The following TBCK variants were observed in gnomAD, a reference collection of about 807,000 sequenced individuals.
TBCK encodes TBC1 domain containing kinase, also known as TBC domain-containing protein kinase-like protein.
TBCK carries 99 observed loss-of-function variants against 113.4 expected under a neutral mutation model. The observed-to-expected ratio is 0.87, with a 90% CI of 0.74 to 1.03. The LOEUF is 1.03. TBCK is among the 50% of genes least tolerant of loss of function. The probability of loss-of-function intolerance (pLI) is 0.00; values close to 1 mark genes in which losing one functional copy is unlikely to be tolerated. For synonymous variants in TBCK, 369 were observed against 370.8 expected, an observed-to-expected ratio of 1.00 and a Z score of 0.05; for missense variants, 1,045 against 1,061.3, an observed-to-expected ratio of 0.98 and a Z score of 0.21.
At position 106,046,523 on chromosome 4, in the gene TBCK, T is replaced by C. The variant is rs763552228; in HGVS notation, c.*47A>G. ...GGCGTGGATATGAAGAACTGTGCTG[T>C]TGGTGCTGATGCCACACTAAGTTTT... On this transcript the variant is annotated 3_prime_UTR_variant, in exon 26 of 26. Transcript: ENST00000394708. The C allele has an allele frequency of 3.9e-6, 4 of 1,017,738 alleles. No individual in the cohort carries two copies. In the Admixed American group the frequency reaches 5.2e-5, roughly 13 times the overall value. The allele number at this position is 1,017,738 out of a possible 1,614,324, so 63.0% of individuals were successfully genotyped here.
intron 25 of TBCK, among the ~76,000 whole-genome samples, chr4:106,052,630 G>C (rs1734933956): frequency 6.6e-6 from 1 of 151,504 alleles, no homozygotes; most frequent in African/African-American, 2.4e-5. Flanking sequence ...GTTACATAAG[G>C]AGATATTATA....
chr4:106,203,108 C>T (rs1279071491), intron 20 of TBCK, among the ~76,000 whole-genome samples: 1 of 151,840 alleles, frequency 6.6e-6, no homozygotes, highest in Non-Finnish European at 1.5e-5. Context: ...GTCAGTGTTT[C>T]ATTTTGATGA....
chr4:106,160,191 C>T (rs1020612626), intron 23 of TBCK, among the ~76,000 whole-genome samples: 1 of 151,888 alleles, frequency 6.6e-6, no homozygotes, highest in Non-Finnish European at 1.5e-5. Flanking sequence ...AAACATAGGG[C>T]AAAAGCTTCA....
chr4:106,156,992 CAG>C (rs973894046), intron 23 of TBCK, among the ~76,000 whole-genome samples: 11 of 152,184 alleles, frequency 7.2e-5, no homozygotes, highest in Admixed American at 7.2e-4. Context: ...CAGCAAGTCT[CAG>C]AGTGGCATAC....
intron 2 of TBCK, among the ~76,000 whole-genome samples, chr4:106,299,308 G>A (rs943218697): frequency 3.3e-5 from 5 of 152,086 alleles, no homozygotes; most frequent in African/African-American, 4.8e-5. Flanking sequence ...ACATGCCCAC[G>A]TTATAAACTC....
intron 23 of TBCK, among the ~76,000 whole-genome samples, chr4:106,159,186 T>G (rs1285577044): frequency 6.6e-6 from 1 of 152,084 alleles, no homozygotes; most frequent in Admixed American, 6.6e-5. Flanking sequence ...ACAGAAAACA[T>G]GCTCAATGGT....
chr4:106,300,137 T>C (rs895119174), intron 2 of TBCK, among the ~76,000 whole-genome samples: 3 of 152,222 alleles, frequency 2.0e-5, no homozygotes, highest in Non-Finnish European at 4.4e-5. Flanking sequence ...TTTTTTGGCC[T>C]GCTGCTATCC....
intron 23 of TBCK, among the ~76,000 whole-genome samples, chr4:106,145,965 C>G (rs1747748551): frequency 6.6e-6 from 1 of 152,116 alleles, no homozygotes; most frequent in African/African-American, 2.4e-5. Flanking sequence ...ATGAGTCCAA[C>G]CATTGTGGAA....
At chr4:106,113,644 C>G (rs1310575484) in intron 24 of TBCK, among the ~76,000 whole-genome samples, 1 of 152,138 alleles carries the variant, frequency 6.6e-6, no homozygotes, top group Non-Finnish European at 1.5e-5. Flanking sequence ...CCTATAGGAC[C>G]TACAGCCCCA....
chr4:106,060,658 G>C (rs1428285372), intron 25 of TBCK, among the ~76,000 whole-genome samples: 3 of 151,808 alleles, frequency 2.0e-5, no homozygotes, highest in African/African-American at 7.2e-5. Context: ...ATCCATGGAT[G>C]AAGGAGTCAT....
intron 11 of TBCK, 135 bp from the exon 12 acceptor site, chr4:106,242,704 C>T (rs1470269668): frequency 7.8e-6 from 4 of 514,786 alleles, no homozygotes; most frequent in Admixed American, 3.6e-5. Flanking sequence ...TTTAATAAAA[C>T]AATGTTTTTT....
chr4:106,124,446 T>C (rs1744884516), intron 23 of TBCK, among the ~76,000 whole-genome samples: 1 of 152,198 alleles, frequency 6.6e-6, no homozygotes, highest in African/African-American at 2.4e-5. Flanking sequence ...AGTGTGGCGA[T>C]TCCTCAGGGA....
At chr4:106,182,083 C>T (rs1752461471) in intron 22 of TBCK, among the ~76,000 whole-genome samples, 1 of 152,134 alleles carries the variant, frequency 6.6e-6, no homozygotes, top group African/African-American at 2.4e-5. Context: ...AGGTCCTTCA[C>T]ATCCCTTGTA....
At chr4:106,262,647 A>G (rs955473340) in intron 3 of TBCK, among the ~76,000 whole-genome samples, 1 of 152,092 alleles carries the variant, frequency 6.6e-6, no homozygotes, top group African/African-American at 2.4e-5. Flanking sequence ...TTTATGGTAT[A>G]CAAACACTAG....
intron 23 of TBCK, among the ~76,000 whole-genome samples, chr4:106,134,655 C>A (rs930028858): frequency 6.6e-6 from 1 of 152,194 alleles, no homozygotes; most frequent in African/African-American, 2.4e-5. Flanking sequence ...CTCAAATTCT[C>A]CCCTTGCAAG....
At position 106,139,487 on chromosome 4, in the gene TBCK, G is replaced by A. The variant is rs1251834521; in HGVS notation, c.2236-23109C>T. Among the ~76,000 whole-genome samples, 3 of 141,558 alleles carry A rather than the reference G, an allele frequency of 2.1e-5. 1 individual carries two copies. Among genetic ancestry groups the A allele is most frequent in the African/African-American group, 7.5e-5 (3 of 40,048 alleles). The allele number at this position is 141,558 out of a possible 152,430, so 92.9% of individuals were successfully genotyped here. A position where few individuals can be genotyped will look rare whatever the true frequency, so the allele number is the denominator to read the frequency against. The stretch of plus-strand genomic sequence containing the variant: ...AAATGAGAAGGAAGAGTATTCAGCT[G>A]TCTCTAATCTTTAATCATTTATTTT... On this transcript the variant is annotated intron_variant, in intron 23 of 25. Transcript: ENST00000394708.
intron 24 of TBCK, among the ~76,000 whole-genome samples, chr4:106,100,113 TC>T (rs1268912291): frequency 6.6e-6 from 1 of 152,190 alleles, no homozygotes; most frequent in Non-Finnish European, 1.5e-5. Flanking sequence ...AAGTTTCCCT[TC>T]CCACAGTATC....
intron 3 of TBCK, among the ~76,000 whole-genome samples, chr4:106,287,248 C>T (rs946956152): frequency 6.6e-6 from 1 of 152,104 alleles, no homozygotes; most frequent in Non-Finnish European, 1.5e-5. Context: ...TACTCTACCC[C>T]CTATTCTTAG....
chr4:106,197,301 C>T (rs1446394429), intron 20 of TBCK, among the ~76,000 whole-genome samples: 1 of 150,772 alleles, frequency 6.6e-6, no homozygotes, highest in East Asian at 1.9e-4. Flanking sequence ...CTCCAGAAGT[C>T]TGCTGAAGAT....
Sources: allele counts gnomAD v4.1 joint callset (sites outside exome capture counted in the v4.1 genomes callset), GRCh38; gene constraint gnomAD v4.1.1; transcripts MANE v1.5; gene names NCBI Gene and HGNC (gene_info 2026-07-23, HGNC 2026-07-21).